The following DLC1 variants were observed in gnomAD, a reference collection of about 807,000 sequenced individuals.
DLC1 encodes DLC1 Rho GTPase activating protein.
DLC1 carries 54 observed loss-of-function variants against 140.3 expected under a neutral mutation model. The observed-to-expected ratio is 0.38, with a 90% CI of 0.31 to 0.48. The LOEUF is 0.48. DLC1 is among the 20% of genes least tolerant of loss of function. The probability of loss-of-function intolerance (pLI) is 0.96; values close to 1 mark genes in which losing one functional copy is unlikely to be tolerated. For synonymous variants in DLC1, 986 were observed against 728.1 expected (o/e 1.35, Z -5.70); for missense variants, 2,536 against 1,907.0 (o/e 1.33, Z -6.14).
intron 7 of DLC1, among the ~76,000 whole-genome samples, chr8:13,103,963 C>T (rs1819335238): frequency 6.6e-6 from 1 of 151,824 alleles, no homozygotes; most frequent in Non-Finnish European, 1.5e-5. Flanking sequence ...TAAACAGTGT[C>T]TTGTATTTGA....
intron 2 of DLC1, among the ~76,000 whole-genome samples, chr8:13,409,160 A>T (rs1837684673): frequency 6.6e-6 from 1 of 152,088 alleles, no homozygotes; most frequent in Non-Finnish European, 1.5e-5. Context: ...TGTAGTTATT[A>T]TTTTTACCAC....
intron 13 of DLC1, among the ~76,000 whole-genome samples, chr8:13,091,976 G>A (rs1200091633): frequency 1.3e-5 from 2 of 152,252 alleles, no homozygotes; most frequent in African/African-American, 4.8e-5. Context: ...GCCGGGCGCA[G>A]TGGCTCACGC....
At chr8:13,133,024 G>T in intron 5 of DLC1, 3 of 1,592,866 alleles carry the variant, frequency 1.9e-6, no homozygotes, top group Non-Finnish European at 2.6e-6. Context: ...GGAAGTCGAG[G>T]CAGGCGGAGG....
chr8:13,484,470 C>T (rs1800875966), intron 2 of DLC1, among the ~76,000 whole-genome samples: 1 of 152,046 alleles, frequency 6.6e-6, no homozygotes, highest in Admixed American at 6.6e-5. Flanking sequence ...TCTTGTATGC[C>T]TGGACTGATT....
rs368453183 is a variant in DLC1, at chr8:13,100,814, C to T, written c.1567-44G>A. 4.0e-6 allele frequency: 6 copies of T among 1,518,156 alleles called. No individual in the cohort carries two copies. The African/African-American group carries it at 5.6e-5, about 14-fold the overall frequency. The allele number at this position is 1,518,156 out of a possible 1,614,324, so 94.0% of individuals were successfully genotyped here. On this transcript the variant is annotated intron_variant, in intron 8 of 17. Coordinates refer to ENST00000276297, the MANE Select transcript of DLC1 (RefSeq NM_182643.3). ...GCCATTCACACACTGGGGCTGGCAG[C>T]CAGCAGGGAGCAGGGCATGAGCAGG...
intron 7 of DLC1, among the ~76,000 whole-genome samples, chr8:13,110,097 C>T (rs2128946198): frequency 6.6e-6 from 1 of 152,202 alleles, no homozygotes; most frequent in African/African-American, 2.4e-5. Flanking sequence ...TCTTGAAGAG[C>T]TTGAAAGGAT....
At chr8:13,347,134 C>T (rs1193610543) in intron 4 of DLC1, among the ~76,000 whole-genome samples, 1 of 152,166 alleles carries the variant, frequency 6.6e-6, no homozygotes, top group African/African-American at 2.4e-5. Context: ...TAGTTTCAGG[C>T]ACCCACTGTG....
chr8:13,415,790 T>G (rs1838029096), intron 2 of DLC1, among the ~76,000 whole-genome samples: 1 of 150,384 alleles, frequency 6.6e-6, no homozygotes, highest in Non-Finnish European at 1.5e-5. Context: ...TGTTCATGAT[T>G]TTTTTTCTCT....
intron 5 of DLC1, among the ~76,000 whole-genome samples, chr8:13,212,976 A>G (rs1031177148): frequency 6.6e-6 from 1 of 152,212 alleles, no homozygotes; most frequent in African/African-American, 2.4e-5. Context: ...TTTGCTATGT[A>G]TAGATTTTTA....
chr8:13,345,521 C>T (rs1349368205), intron 4 of DLC1, among the ~76,000 whole-genome samples: 12 of 133,832 alleles, frequency 9.0e-5, no homozygotes, highest in Admixed American at 5.5e-4. Flanking sequence ...GGTTAATCGA[C>T]GATTATCTGA....
rs557629029 is a variant in DLC1 at position 13,377,650 on chromosome 8, C to T, written c.1314+15903G>A. 5.3e-5 allele frequency among the ~76,000 whole-genome samples: 8 copies of T among 152,174 alleles called. No homozygotes were observed. The South Asian group carries it at 6.2e-4, about 12-fold the overall frequency. ...TACTGTGCGATACACATTTTCATAACGTTACAAGCCCTGAAACGTCTATAT... is the reference window on the plus strand; with the variant it reads ...TACTGTGCGATACACATTTTCATAATGTTACAAGCCCTGAAACGTCTATAT... On this transcript the variant is annotated intron_variant, in intron 4 of 17. Coordinates refer to ENST00000276297, the MANE Select transcript of DLC1 (RefSeq NM_182643.3).
chr8:13,377,778 CA>C (rs1016429463), intron 4 of DLC1, among the ~76,000 whole-genome samples: 8 of 151,880 alleles, frequency 5.3e-5, no homozygotes, highest in Admixed American at 5.2e-4. Flanking sequence ...ATTGGAGGCA[CA>C]AATCTTGAAT....
chr8:13,594,913 T>C (rs1160704564), intron 1 of DLC1, among the ~76,000 whole-genome samples: 1 of 152,050 alleles, frequency 6.6e-6, no homozygotes, highest in Non-Finnish European at 1.5e-5. Flanking sequence ...TTTTGGAGAT[T>C]GTGGAAGTTG....
chr8:13,098,381 G>T lies in DLC1; in HGVS notation c.3167+18C>A, dbSNP rs1402504834. 1.9e-6 allele frequency: 3 copies of T among 1,613,008 alleles called. No homozygotes were observed. The highest frequency in any genetic ancestry group is 2.5e-6 in the Non-Finnish European group (3 of 1,179,292). On this transcript the variant is annotated intron_variant, in intron 10 of 17. Transcript: ENST00000276297. ...ATATCATTTTCAACGACAGTTGACT[G>T]ATCATTTAAACTCTTACCAGCTAAA...
chr8:13,274,426 G>T (rs1055428424), intron 5 of DLC1, among the ~76,000 whole-genome samples: 2 of 152,114 alleles, frequency 1.3e-5, no homozygotes, highest in Non-Finnish European at 2.9e-5. Context: ...GAAACCCTGG[G>T]CAACATAAAG....
chr8:13,576,432 G>A (rs941150665), intron 1 of DLC1, among the ~76,000 whole-genome samples: 2 of 152,080 alleles, frequency 1.3e-5, no homozygotes, highest in African/African-American at 2.4e-5. Context: ...GCATAAATAG[G>A]CATCAGTAAA....
chr8:13,375,868 T>C (rs1835958520), intron 4 of DLC1, among the ~76,000 whole-genome samples: 1 of 152,156 alleles, frequency 6.6e-6, no homozygotes, highest in South Asian at 2.1e-4. Flanking sequence ...ACGCTTTTGT[T>C]AAAAGAATAC....
chr8:13,591,439 T>C (rs1805512536), intron 1 of DLC1, among the ~76,000 whole-genome samples: 1 of 152,088 alleles, frequency 6.6e-6, no homozygotes, highest in African/African-American at 2.4e-5. Context: ...GCACGCCTTC[T>C]CTCTCCTGCC....
chr8:13,095,004 A>G, intron 11 of DLC1, 47 bp from the exon 12 acceptor site: 1 of 1,614,036 alleles, frequency 6.2e-7, no homozygotes, highest in Non-Finnish European at 8.5e-7. Flanking sequence ...ACGTGGACGC[A>G]GTGTTTACAC....
Sources: allele counts gnomAD v4.1 joint callset (sites outside exome capture counted in the v4.1 genomes callset), GRCh38; gene constraint gnomAD v4.1.1; transcripts MANE v1.5; gene names NCBI Gene and HGNC (gene_info 2026-07-23, HGNC 2026-07-21).